Variants in KATNIP observed in about 807,000 individuals in gnomAD.
KATNIP encodes katanin-interacting protein.
Under a neutral mutation model 174.0 loss-of-function variants are expected in KATNIP, and 126 were observed. The ratio of observed to expected loss-of-function variants is 0.72; its 90% CI spans 0.63 to 0.84. The LOEUF (loss-of-function observed/expected upper bound fraction) is 0.84. Ranked by LOEUF, KATNIP falls within the 40% of genes least tolerant of loss-of-function variation. The probability of loss-of-function intolerance (pLI) is 0.00; values close to 1 mark genes in which losing one functional copy is unlikely to be tolerated. For missense variants in KATNIP, 1,958 were observed against 2,109.7 expected (o/e 0.93, Z 1.41); for synonymous variants, 810 against 835.7 (o/e 0.97, Z 0.53).
chr16:27,681,599 A>T (rs1166605264), intron 8 of KATNIP, 69 bp downstream of exon 8: 1 of 1,582,288 alleles, frequency 6.3e-7, no homozygotes, highest in Non-Finnish European at 8.7e-7. Flanking sequence ...GGGTGCCATG[A>T]TGGGAGGCCG....
chr16:27,708,519 G>T (rs1360340775), intron 12 of KATNIP, 186 bp from the exon 13 acceptor site: 2 of 560,480 alleles, frequency 3.6e-6, no homozygotes, highest in Non-Finnish European at 6.3e-6. Flanking sequence ...ATGCTTTACA[G>T]TATGAATTCA....
intron 6 of KATNIP, among the ~76,000 whole-genome samples, chr16:27,658,334 T>C (rs1381582101): frequency 1.3e-5 from 2 of 152,174 alleles, no homozygotes; most frequent in African/African-American, 2.4e-5. Context: ...TTTAAGCTAA[T>C]AGAATTTGTA....
intron 3 of KATNIP, among the ~76,000 whole-genome samples, chr16:27,628,158 T>C (rs1355933228): frequency 6.6e-6 from 1 of 152,258 alleles, no homozygotes; most frequent in Non-Finnish European, 1.5e-5. Context: ...AGCAAAACGT[T>C]AGCCCACCTG....
chr16:27,711,596 T>C (rs1220336120), intron 13 of KATNIP, among the ~76,000 whole-genome samples: 1 of 152,172 alleles, frequency 6.6e-6, no homozygotes, highest in African/African-American at 2.4e-5. Context: ...CCAGACTGAA[T>C]AGGGCAGGAC....
chr16:27,749,488 C>A, intron 15 of KATNIP, 96 bp from the exon 16 acceptor site: 1 of 1,412,338 alleles, frequency 7.1e-7, no homozygotes, highest in Non-Finnish European at 9.5e-7. Flanking sequence ...GTGGCCCTGC[C>A]TCACTGAGAG....
chr16:27,663,490 T>A (rs913512062), intron 6 of KATNIP, among the ~76,000 whole-genome samples: 2 of 152,016 alleles, frequency 1.3e-5, no homozygotes, highest in Non-Finnish European at 2.9e-5. Context: ...TCGCCCAGGC[T>A]GGAGTGCAGT....
rs140461043 is a variant in KATNIP, at chr16:27,769,914, C to T, written c.4029C>T (p.Gly1343=). ...LDGLCVSPPE[G]FLIRKGPGNC... ...GCCTGTGCGTCTCCCCGCCAGAGGG[C>T]TTTCTCATCCGGAAGGGGCCAGGCA... Residue 1343 remains glycine (G), a synonymous_variant, in exon 21 of 28, where the codon GGC becomes GGT. Coordinates refer to ENST00000261588, the MANE Select transcript of KATNIP (RefSeq NM_015202.5). 7 of 1,614,242 alleles carry T rather than the reference C, an allele frequency of 4.3e-6. No individual in the cohort carries two copies. Among genetic ancestry groups the T allele is most frequent in the Admixed American group, 1.7e-5 (1 of 60,032 alleles).
At position 27,773,157 on chromosome 16, in the gene KATNIP, C is replaced by T. The variant is rs367691724; in HGVS notation, c.4257C>T (p.Thr1419=). ...SWGDPYYIGL[T]GLELYDERGE... Reference sequence around the variant, plus strand: ...GCGACCCCTACTACATCGGCCTCACCGGCCTGGAGCTGTATGACGAGCGAG... The same window carrying T: ...GCGACCCCTACTACATCGGCCTCACTGGCCTGGAGCTGTATGACGAGCGAG... The change falls in exon 23 of 28, where the codon ACC becomes ACT. Residue 1419 remains threonine, a synonymous_variant. Transcript: ENST00000261588. 67 of 1,612,536 alleles carry T rather than the reference C, an allele frequency of 4.2e-5. No individual in the cohort carries two copies. The highest frequency in any genetic ancestry group is 4.5e-5 in the Non-Finnish European group (53 of 1,179,344).
At chr16:27,716,925 A>C (rs952861878) in intron 13 of KATNIP, among the ~76,000 whole-genome samples, 1 of 151,624 alleles carries the variant, frequency 6.6e-6, no homozygotes, top group Non-Finnish European at 1.5e-5. Context: ...GCTCACTGCA[A>C]CCTCCACCTC....
intron 2 of KATNIP, among the ~76,000 whole-genome samples, chr16:27,600,639 C>G (rs1418861050): frequency 6.6e-6 from 1 of 151,912 alleles, no homozygotes; most frequent in African/African-American, 2.4e-5. Flanking sequence ...AATTCGGTGT[C>G]TTGTTTTCTC....
At chr16:27,612,242 C>T (rs1258574274) in intron 2 of KATNIP, among the ~76,000 whole-genome samples, 1 of 152,170 alleles carries the variant, frequency 6.6e-6, no homozygotes, top group Admixed American at 6.5e-5. Context: ...CACCAGACAA[C>T]AGGTACAGGC....
chr16:27,744,808 G>C (rs760647753), intron 15 of KATNIP, among the ~76,000 whole-genome samples: 2 of 150,978 alleles, frequency 1.3e-5, no homozygotes, highest in Non-Finnish European at 2.9e-5. Flanking sequence ...GCTTGAGCTC[G>C]GGAGGCTGAG....
chr16:27,592,647 G>T (rs1214200481), intron 2 of KATNIP, among the ~76,000 whole-genome samples: 2 of 151,990 alleles, frequency 1.3e-5, no homozygotes, highest in South Asian at 2.1e-4. Flanking sequence ...ACCAGATGTG[G>T]ACACAGGAGC....
At chr16:27,630,013 AAAAT>A (rs986915264) in intron 4 of KATNIP, among the ~76,000 whole-genome samples, 2 of 152,196 alleles carry the variant, frequency 1.3e-5, no homozygotes, top group African/African-American at 4.8e-5. Context: ...ACCCTGTTTC[AAAAT>A]AAATAAATAA....
chr16:27,662,013 T>C lies in KATNIP; in HGVS notation c.540+13278T>C, dbSNP rs1169182378. 1.2e-4 allele frequency among the ~76,000 whole-genome samples: 8 copies of C among 67,638 alleles called. 2 individuals carry two copies. The highest frequency in any genetic ancestry group is 1.6e-4 in the African/African-American group (2 of 12,482). 44.4% of individuals were successfully genotyped at this position (67,638 alleles called of 152,430 possible). On this transcript the variant is annotated intron_variant, in intron 6 of 27. Coordinates refer to ENST00000261588, the MANE Select transcript of KATNIP (RefSeq NM_015202.5). ...ACATACATATATATATATATATATA[T>C]ATACACATACATATATATATATATA... is the stretch of plus-strand genomic sequence containing the variant.
rs887738883 is a variant in KATNIP at position 27,632,680 on chromosome 16, G to C, written c.408+1518G>C. 3 of 452,932 alleles carry C rather than the reference G, an allele frequency of 6.6e-6. No individual in the cohort carries two copies. In the East Asian group the frequency reaches 2.1e-4, roughly 32 times the overall value. 28.1% of individuals were successfully genotyped at this position (452,932 alleles called of 1,614,324 possible). On this transcript the variant is annotated intron_variant, in intron 5 of 27. Transcript: ENST00000261588. The stretch of plus-strand genomic sequence containing the variant: ...AGAAGGGAGGGGCAGCAGGCAGGCT[G>C]GTTGGGAGGGGCAGCAGGCTGTTGG...
chr16:27,584,952 T>G (rs2090837921), intron 2 of KATNIP, among the ~76,000 whole-genome samples: 2 of 152,182 alleles, frequency 1.3e-5, no homozygotes, highest in Admixed American at 1.3e-4. Flanking sequence ...GCTCAGCTGA[T>G]AGCCTGTGTT....
intron 5 of KATNIP, among the ~76,000 whole-genome samples, chr16:27,638,672 C>A (rs78842647): frequency 1.3e-5 from 2 of 151,978 alleles, no homozygotes; most frequent in Non-Finnish European, 2.9e-5. Flanking sequence ...TGGGGCCACA[C>A]GGTCGCCTTG....
At chr16:27,551,864 A>G (rs759835877) in intron 1 of KATNIP, among the ~76,000 whole-genome samples, 1 of 151,938 alleles carries the variant, frequency 6.6e-6, no homozygotes, top group Admixed American at 6.6e-5. Context: ...AAAAAACCCA[A>G]TAATAATAAT....
Sources: gnomAD v4.1 joint callset for allele counts (sites outside exome capture counted in the v4.1 genomes callset) on GRCh38, gnomAD v4.1.1 for gene constraint, MANE v1.5 for transcripts, NCBI Gene and HGNC (gene_info 2026-07-23, HGNC 2026-07-21) for gene names.